The following PCDH15 variants were observed in gnomAD, a reference collection of about 807,000 sequenced individuals.
PCDH15 encodes the protein protocadherin-15.
Under a neutral mutation model 178.5 loss-of-function variants are expected in PCDH15, and 129 were observed. That is an observed-to-expected ratio of 0.72 (90% CI 0.63 to 0.84). The LOEUF is 0.84. Among genes scored for constraint, PCDH15 ranks in the 40% least tolerant of loss-of-function variants. The pLI is 0.00. For missense variants in PCDH15, 2,230 were observed against 2,099.9 expected (o/e 1.06, Z -1.21); for synonymous variants, 800 against 732.0 (o/e 1.09, Z -1.50).
intron 26 of PCDH15, among the ~76,000 whole-genome samples, chr10:53,896,969 A>T (rs1186880629): frequency 6.6e-6 from 1 of 152,182 alleles, no homozygotes; most frequent in African/African-American, 2.4e-5. Context: ...TAATAGAAAT[A>T]AAGTGCATAA....
intron 3 of PCDH15, among the ~76,000 whole-genome samples, chr10:54,884,947 C>T (rs779782336): frequency 6.6e-6 from 1 of 151,830 alleles, no homozygotes; most frequent in African/African-American, 2.4e-5. Context: ...AAAATATCAC[C>T]TCTAATTCTC....
intron 15 of PCDH15, among the ~76,000 whole-genome samples, chr10:54,131,238 T>C (rs2042410605): frequency 6.6e-6 from 1 of 152,214 alleles, no homozygotes; most frequent in African/African-American, 2.4e-5. Context: ...TCTTACTTCA[T>C]AGAAAGTTAA....
chr10:54,096,209 C>T (rs2094696587), intron 15 of PCDH15, among the ~76,000 whole-genome samples: 1 of 151,870 alleles, frequency 6.6e-6, no homozygotes, highest in Admixed American at 6.6e-5. Flanking sequence ...AGTTTCCCTT[C>T]ACCTGCTTGC....
rs181191409 is a variant in PCDH15, at chr10:54,768,403, G to A, written c.-29+32522C>T. ...TACCTACAAAATGATGTCACCCTCA[G>A]AGAGATTACAATCTACTTGAGAAAG... On this transcript the variant is annotated intron_variant, in intron 1 of 37. Transcript: ENST00000644397. Among the ~76,000 whole-genome samples, 665 of 152,212 alleles carry A rather than the reference G, an allele frequency of 4.4e-3. 5 individuals carry two copies. The highest frequency in any genetic ancestry group is 0.014 in the Middle Eastern group (4 of 294).
At chr10:54,841,500 GA>G (rs1485435274) in intron 3 of PCDH15, among the ~76,000 whole-genome samples, 17 of 150,930 alleles carry the variant, frequency 1.1e-4, no homozygotes, top group Admixed American at 2.6e-4. Flanking sequence ...AAGAACTAGG[GA>G]AAAAAAATCT....
At chr10:55,035,186 T>A (rs1194037556) in intron 2 of PCDH15, among the ~76,000 whole-genome samples, 1 of 151,426 alleles carries the variant, frequency 6.6e-6, no homozygotes, top group Non-Finnish European at 1.5e-5. Context: ...TTAAACTTAA[T>A]TTCAAAATGA....
intron 26 of PCDH15, among the ~76,000 whole-genome samples, chr10:53,893,049 T>C (rs1438709142): frequency 6.6e-6 from 1 of 152,136 alleles, no homozygotes; most frequent in Non-Finnish European, 1.5e-5. Context: ...CAATTTGTAT[T>C]GCATTCATCT....
chr10:54,976,507 G>C (rs1265965969), intron 2 of PCDH15, among the ~76,000 whole-genome samples: 2 of 152,110 alleles, frequency 1.3e-5, no homozygotes, highest in African/African-American at 4.8e-5. Flanking sequence ...GGAATACTAA[G>C]GGTGTGGAAA....
intron 1 of PCDH15, among the ~76,000 whole-genome samples, chr10:55,221,992 G>C (rs968447972): frequency 6.7e-6 from 1 of 149,618 alleles, no homozygotes; most frequent in Non-Finnish European, 1.5e-5. Context: ...TCAGCCTCTC[G>C]AGTAGCTGGG....
At chr10:54,372,713 T>C (rs1333282464) in intron 4 of PCDH15, among the ~76,000 whole-genome samples, 2 of 151,798 alleles carry the variant, frequency 1.3e-5, no homozygotes, top group Non-Finnish European at 2.9e-5. Context: ...GCTTTATTCA[T>C]CAAACAAAGA....
chr10:54,395,408 T>C (rs1335150643), intron 3 of PCDH15, among the ~76,000 whole-genome samples: 1 of 143,390 alleles, frequency 7.0e-6, no homozygotes, highest in Non-Finnish European at 1.5e-5. Flanking sequence ...ATTATTCCTG[T>C]CTATCTCTAT....
intron 1 of PCDH15, among the ~76,000 whole-genome samples, chr10:55,202,063 T>C (rs534344572): frequency 6.6e-6 from 1 of 152,222 alleles, no homozygotes; most frequent in Non-Finnish European, 1.5e-5. Flanking sequence ...TGAATTATTC[T>C]CTAAAGATAA....
At chr10:54,934,594 G>C (rs1350624189) in intron 2 of PCDH15, among the ~76,000 whole-genome samples, 2 of 151,428 alleles carry the variant, frequency 1.3e-5, no homozygotes, top group African/African-American at 2.4e-5. Flanking sequence ...TGCTGGAGAG[G>C]ATGTGGAGAA....
intron 2 of PCDH15, chr10:54,608,005 GAGA>G (rs2092820659): frequency 2.1e-6 from 1 of 470,920 alleles, no homozygotes; most frequent in Non-Finnish European, 4.1e-6. Flanking sequence ...TGGTTATTGT[GAGA>G]AGACTTGCAC....
chr10:54,841,257 A>G (rs558261393), intron 3 of PCDH15, among the ~76,000 whole-genome samples: 7 of 152,020 alleles, frequency 4.6e-5, no homozygotes, highest in Non-Finnish European at 7.4e-5. Context: ...AATCAACAAA[A>G]GGAGGAAAAC....
chr10:53,960,927 T>C (rs1236282890), intron 22 of PCDH15, among the ~76,000 whole-genome samples: 1 of 152,212 alleles, frequency 6.6e-6, no homozygotes, highest in East Asian at 1.9e-4. Flanking sequence ...AATAAAATTG[T>C]CTACTTATGG....
chr10:55,084,567 A>G (rs552617912), intron 2 of PCDH15, among the ~76,000 whole-genome samples: 1 of 151,998 alleles, frequency 6.6e-6, no homozygotes, highest in South Asian at 2.1e-4. Context: ...AAGCAAAAAT[A>G]GACAAATGGG....
intron 2 of PCDH15, among the ~76,000 whole-genome samples, chr10:55,429,508 A>G (rs1385921796): frequency 1.3e-5 from 2 of 152,118 alleles, no homozygotes; most frequent in African/African-American, 2.4e-5. Flanking sequence ...TGATGCTTAT[A>G]AGATTTTTAT....
chr10:55,466,868 C>G (rs911615536), intron 2 of PCDH15, among the ~76,000 whole-genome samples: 1 of 152,188 alleles, frequency 6.6e-6, no homozygotes, highest in Non-Finnish European at 1.5e-5. Flanking sequence ...TTACCCAAAA[C>G]ACAGCACACC....
Sources: gnomAD v4.1 joint callset for allele counts (sites outside exome capture counted in the v4.1 genomes callset) on GRCh38, gnomAD v4.1.1 for gene constraint, MANE v1.5 for transcripts, NCBI Gene and HGNC (gene_info 2026-07-23, HGNC 2026-07-21) for gene names.